Variants in MPPED1 observed in about 807,000 individuals in gnomAD.
MPPED1 encodes metallophosphoesterase domain containing 1, also known as metallophosphoesterase domain-containing protein 1.
MPPED1 carries 16 observed loss-of-function variants against 36.2 expected under a neutral mutation model. The observed-to-expected ratio is 0.44, with a 90% confidence interval of 0.30 to 0.67. The LOEUF (loss-of-function observed/expected upper bound fraction) is 0.67, where lower values mean the gene tolerates loss of function less well. Among genes scored for constraint, MPPED1 ranks in the 30% least tolerant of loss-of-function variants. The pLI, the probability that MPPED1 is intolerant of heterozygous loss-of-function variation, is 0.10. For synonymous variants in MPPED1, 199 were observed against 191.3 expected, an observed-to-expected ratio of 1.04 and a Z score of -0.33; for missense variants, 307 against 453.4, an observed-to-expected ratio of 0.68 and a Z score of 2.93.
At chr22:43,447,782 A>T (rs1362748932) in intron 3 of MPPED1, among the ~76,000 whole-genome samples, 5 of 135,952 alleles carry the variant, frequency 3.7e-5, no homozygotes, top group African/African-American at 1.1e-4. Context: ...TCTCCCGAGG[A>T]CTCTTGGGGA....
intron 2 of MPPED1, among the ~76,000 whole-genome samples, chr22:43,431,363 C>G (rs1217598819): frequency 6.6e-6 from 1 of 152,038 alleles, no homozygotes; most frequent in African/African-American, 2.4e-5. Flanking sequence ...TATTTTGACT[C>G]TTTTTGCTCT....
At chr22:43,450,051 A>G (rs1258700316) in intron 3 of MPPED1, among the ~76,000 whole-genome samples, 2 of 152,076 alleles carry the variant, frequency 1.3e-5, no homozygotes, top group African/African-American at 2.4e-5. Context: ...GGAGGCATGC[A>G]TGCAGGGCGT....
chr22:43,468,242 T>C (rs1028002401), intron 3 of MPPED1, among the ~76,000 whole-genome samples: 1 of 152,178 alleles, frequency 6.6e-6, no homozygotes, highest in Admixed American at 6.5e-5. Flanking sequence ...TTGGGGAAGA[T>C]GGTCTGAATG....
At chr22:43,420,432 T>C (rs1189644561) in intron 1 of MPPED1, among the ~76,000 whole-genome samples, 2 of 149,456 alleles carry the variant, frequency 1.3e-5, no homozygotes, top group Non-Finnish European at 3.0e-5. Flanking sequence ...TGAGATGGAG[T>C]CTCACTCTGT....
rs558458076 is a variant in MPPED1, at chr22:43,468,979, G to A, written c.407-5757G>A. ...CCCAGCACCTGCACTGCTGTCCACC[G>A]TGCCCAGCCCGGGGGTGCTCTGTAG... On this transcript the variant is annotated intron_variant, in intron 3 of 6. Transcript: ENST00000443721. 2.0e-5 allele frequency among the ~76,000 whole-genome samples: 3 copies of A among 152,260 alleles called. No individual in the cohort carries two copies. In the East Asian group the frequency reaches 5.8e-4, roughly 29 times the overall value.
intron 2 of MPPED1, among the ~76,000 whole-genome samples, chr22:43,431,021 A>ATTTTTTTTTTTTTTTTT (rs135076): frequency 2.4e-5 from 1 of 42,306 alleles, no homozygotes; most frequent in African/African-American, 6.5e-5. Context: ...GTTGTTGTTA[A>ATTTTTTTTTTTTTTTTT]TTTTTTTTTT....
rs117488479 is a variant in MPPED1, at chr22:43,473,067, T to A, written c.407-1669T>A. ...CATCCGTTTCCAATAAGAAAAACAA[T>A]CCTTAGTATTTGGAGCAGAGGCATT... On this transcript the variant is annotated intron_variant, in intron 3 of 6. Transcript: ENST00000443721. 7.3e-3 allele frequency among the ~76,000 whole-genome samples: 1,112 copies of A among 152,246 alleles called. 8 individuals are homozygous for A. Among genetic ancestry groups the A allele is most frequent in the Admixed American group, 0.016 (252 of 15,290 alleles).
At chr22:43,500,927 G>A (rs1391884810) in intron 5 of MPPED1, among the ~76,000 whole-genome samples, 1 of 152,080 alleles carries the variant, frequency 6.6e-6, no homozygotes, top group Admixed American at 6.5e-5. Context: ...GAGGGGAAGG[G>A]TGTCCCAGGC....
intron 1 of MPPED1, chr22:43,418,367 G>A (rs1929149171): frequency 2.9e-6 from 1 of 346,806 alleles, no homozygotes; most frequent in Non-Finnish European, 5.7e-6. Flanking sequence ...CAGCTCCTCT[G>A]GTAGTGCAAT....
chr22:43,463,804 TTCTTTTCTTTCTTTC>T (rs1193179785), intron 3 of MPPED1, among the ~76,000 whole-genome samples: 4 of 148,296 alleles, frequency 2.7e-5, no homozygotes, highest in African/African-American at 7.5e-5. Context: ...TTTTCATTTT[TTCTTTTCTTTCTTTC>T]TTTCTTTCTT....
chr22:43,496,283 G>A (rs1006184221), intron 4 of MPPED1, among the ~76,000 whole-genome samples: 1 of 53,744 alleles, frequency 1.9e-5, no homozygotes, highest in Non-Finnish European at 3.2e-5. Context: ...GGAGATGGTG[G>A]TGGTGGAGGT....
At chr22:43,454,585 A>C (rs1402179130) in intron 3 of MPPED1, among the ~76,000 whole-genome samples, 1 of 151,020 alleles carries the variant, frequency 6.6e-6, no homozygotes, top group Non-Finnish European at 1.5e-5. Flanking sequence ...ATCTTAAAGG[A>C]ACACCGGTAC....
chr22:43,470,398 ATCTG>A (rs941626969), intron 3 of MPPED1, among the ~76,000 whole-genome samples: 93 of 151,934 alleles, frequency 6.1e-4, no homozygotes, highest in Admixed American at 2.0e-3. Flanking sequence ...CCACTCATCC[ATCTG>A]TCTATCTGTA....
chr22:43,444,364 C>T (rs1419569773), intron 3 of MPPED1, among the ~76,000 whole-genome samples: 7 of 89,348 alleles, frequency 7.8e-5, no homozygotes, highest in East Asian at 3.0e-4. Flanking sequence ...TTCTATCTAT[C>T]TTTTTTTTTT....
At chr22:43,449,108 G>A (rs1443524093) in intron 3 of MPPED1, among the ~76,000 whole-genome samples, 2 of 152,114 alleles carry the variant, frequency 1.3e-5, no homozygotes, top group Non-Finnish European at 2.9e-5. Context: ...ATGGGATACA[G>A]GGATTTTTAC....
intron 1 of MPPED1, among the ~76,000 whole-genome samples, chr22:43,413,274 C>T (rs957318133): frequency 7.1e-6 from 1 of 141,842 alleles, no homozygotes; most frequent in Admixed American, 7.3e-5. Context: ...AGCTGGCTCA[C>T]GGGAGTTGAA....
chr22:43,432,083 G>C (rs750669042), intron 2 of MPPED1, among the ~76,000 whole-genome samples: 1 of 152,274 alleles, frequency 6.6e-6, no homozygotes, highest in African/African-American at 2.4e-5. Context: ...AGGGTAGACT[G>C]TCGGGTCCCT....
intron 1 of MPPED1, among the ~76,000 whole-genome samples, chr22:43,421,696 C>G (rs1268959396): frequency 6.6e-6 from 1 of 152,206 alleles, no homozygotes; most frequent in Non-Finnish European, 1.5e-5. Flanking sequence ...TCCTTCTGTC[C>G]CCTCATCGTC....
chr22:43,500,385 A>ATGGTGATGGAGG (rs1569092031), intron 5 of MPPED1, among the ~76,000 whole-genome samples: 3 of 70,800 alleles, frequency 4.2e-5, no homozygotes, highest in East Asian at 5.1e-4. Context: ...GGTGGTGGTG[A>ATGGTGATGGAGG]TGGTGATGGA....
Sources: gnomAD v4.1 joint callset for allele counts (sites outside exome capture counted in the v4.1 genomes callset) on GRCh38, gnomAD v4.1.1 for gene constraint, MANE v1.5 for transcripts, NCBI Gene and HGNC (gene_info 2026-07-23, HGNC 2026-07-21) for gene names.